The following AP2B1 variants were observed in gnomAD, a reference collection of about 807,000 sequenced individuals.
AP2B1 encodes the protein adaptor related protein complex 2 subunit beta 1.
In AP2B1, 23 loss-of-function variants were observed where a neutral mutation model predicts 102.0. The observed-to-expected ratio is 0.23, with a 90% CI of 0.16 to 0.32. AP2B1 has a LOEUF of 0.32. AP2B1 is among the 10% of genes least tolerant of loss of function. AP2B1 has a pLI of 1.00. For synonymous variants in AP2B1, 381 were observed against 421.2 expected, an observed-to-expected ratio of 0.90 and a Z score of 1.17; for missense variants, 541 against 1,157.4, an observed-to-expected ratio of 0.47 and a Z score of 7.73.
chr17:35,691,757 G>A (rs1377108286), intron 18 of AP2B1, among the ~76,000 whole-genome samples: 1 of 152,186 alleles, frequency 6.6e-6, no homozygotes, highest in Non-Finnish European at 1.5e-5. Context: ...TAAGCAGTAT[G>A]TAGGTACTGG....
chr17:35,614,655 T>TAAAAAAAAA (rs3031833), intron 5 of AP2B1, among the ~76,000 whole-genome samples: 1 of 93,156 alleles, frequency 1.1e-5, no homozygotes, highest in Admixed American at 1.3e-4. Flanking sequence ...GTTGAATTAG[T>TAAAAAAAAA]AAAAAAAAAA....
intron 16 of AP2B1, 119 bp downstream of exon 16, chr17:35,672,019 A>T: frequency 9.1e-7 from 1 of 1,102,498 alleles, no homozygotes; most frequent in Non-Finnish European, 1.3e-6. Context: ...CTTGTTCTGG[A>T]GGACTTAGAG....
intron 10 of AP2B1, among the ~76,000 whole-genome samples, chr17:35,637,766 A>G (rs959836277): frequency 1.3e-5 from 2 of 149,330 alleles, no homozygotes; most frequent in Non-Finnish European, 3.0e-5. Flanking sequence ...GCTCACTGCA[A>G]CCTCTGCCTC....
At chr17:35,671,639 A>C in intron 15 of AP2B1, 115 bp from the exon 16 acceptor site, 2 of 1,033,664 alleles carry the variant, frequency 1.9e-6, no homozygotes, top group Non-Finnish European at 2.9e-6. Flanking sequence ...AGAATATTGT[A>C]ATTATGGTGT....
intron 2 of AP2B1, among the ~76,000 whole-genome samples, chr17:35,597,622 G>A (rs2073336374): frequency 6.6e-6 from 1 of 152,166 alleles, no homozygotes; most frequent in South Asian, 2.1e-4. Context: ...AGCTCTTAAA[G>A]GTATAAATAT....
At chr17:35,615,573 G>A (rs1156279382) in intron 5 of AP2B1, among the ~76,000 whole-genome samples, 1 of 152,126 alleles carries the variant, frequency 6.6e-6, no homozygotes, top group Non-Finnish European at 1.5e-5. Flanking sequence ...CCTATTAAAG[G>A]TAGGCCCAGA....
In AP2B1 at chr17:35,619,764, G is replaced by T. The variant is rs138264370; in HGVS notation, c.526-4633G>T. 4.5e-3 allele frequency among the ~76,000 whole-genome samples: 683 copies of T among 152,160 alleles called. 2 individuals are homozygous for T. The highest frequency in any genetic ancestry group is 6.8e-3 in the Middle Eastern group (2 of 294). On this transcript the variant is annotated intron_variant, in intron 5 of 21. Coordinates refer to ENST00000610402, the MANE Select transcript of AP2B1 (RefSeq NM_001030006.2). ...ATAATTGGGAGGCAAGATGAATAAAGGATTTTTTTTAGTTTTTTATTTTAC... is the reference window on the plus strand; with the variant it reads ...ATAATTGGGAGGCAAGATGAATAAATGATTTTTTTTAGTTTTTTATTTTAC...
rs757870596 is a variant in AP2B1, at chr17:35,650,610, A to G, written c.1617A>G (p.Glu539=). ...LLSTDPVTAK[E]VVLSEKPLIS... ...CAACTGACCCTGTTACAGCTAAAGA[A>G]GTAGTCTTGTCTGAGAAGCCACTGA... The change falls in exon 13 of 22, where the codon GAA becomes GAG. Residue 539 remains glutamate (E), a synonymous_variant. Coordinates refer to ENST00000610402, the MANE Select transcript of AP2B1 (RefSeq NM_001030006.2). 4 of 1,614,186 alleles carry G rather than the reference A, an allele frequency of 2.5e-6. No individual in the cohort carries two copies. The highest frequency in any genetic ancestry group is 1.7e-5 in the Admixed American group (1 of 60,026).
intron 19 of AP2B1, among the ~76,000 whole-genome samples, chr17:35,709,624 C>G (rs2076408706): frequency 1.3e-5 from 2 of 152,136 alleles, no homozygotes. Context: ...TGTGACTGGT[C>G]AAGGTGATAA....
intron 5 of AP2B1, among the ~76,000 whole-genome samples, chr17:35,611,483 G>A (rs773653876): frequency 7.2e-5 from 11 of 151,982 alleles, no homozygotes; most frequent in African/African-American, 1.7e-4. Flanking sequence ...GTGTGTGTGC[G>A]CGCGCGCACG....
chr17:35,614,579 C>G (rs1229046523), intron 5 of AP2B1, among the ~76,000 whole-genome samples: 2 of 148,702 alleles, frequency 1.3e-5, no homozygotes, highest in African/African-American at 5.0e-5. Context: ...CTGTCTATCA[C>G]TCTCACAGCT....
chr17:35,677,864 T>G (rs374396546), intron 17 of AP2B1, among the ~76,000 whole-genome samples: 12 of 151,524 alleles, frequency 7.9e-5, no homozygotes, highest in African/African-American at 2.4e-4. Flanking sequence ...TAAATAGTTT[T>G]TTTTTTTTTT....
chr17:35,671,720 A>G (rs2075591146), intron 15 of AP2B1, 34 bp from the exon 16 acceptor site: 3 of 1,606,392 alleles, frequency 1.9e-6, no homozygotes, highest in Admixed American at 1.7e-5. Flanking sequence ...TGTTCTTCCC[A>G]ATCTCCCCTC....
At chr17:35,596,991 C>A in intron 2 of AP2B1, 1 of 655,564 alleles carries the variant, frequency 1.5e-6, no homozygotes, top group Non-Finnish European at 2.9e-6. Flanking sequence ...CGGAGAGGAG[C>A]CTGGCGCCTG....
intron 2 of AP2B1, among the ~76,000 whole-genome samples, chr17:35,596,167 C>T (rs2073265138): frequency 6.6e-6 from 1 of 152,136 alleles, no homozygotes; most frequent in African/African-American, 2.4e-5. Flanking sequence ...CTGTTACATC[C>T]TGCTTTGATT....
chr17:35,694,533 T>C (rs1472427885), intron 18 of AP2B1, among the ~76,000 whole-genome samples: 2 of 151,728 alleles, frequency 1.3e-5, no homozygotes, highest in Middle Eastern at 6.3e-3. Context: ...AGTGCTGGGA[T>C]TACAGGCATG....
At chr17:35,718,612 C>T (rs1360345133) in intron 21 of AP2B1, among the ~76,000 whole-genome samples, 1 of 151,994 alleles carries the variant, frequency 6.6e-6, no homozygotes, top group Non-Finnish European at 1.5e-5. Context: ...ACTGGAGAGG[C>T]TGAGGCAGGA....
At chr17:35,614,479 C>T (rs565284107) in intron 5 of AP2B1, among the ~76,000 whole-genome samples, 5 of 152,068 alleles carry the variant, frequency 3.3e-5, no homozygotes, top group Non-Finnish European at 4.4e-5. Flanking sequence ...CGTGAGCCAC[C>T]ATGCCTGGCC....
At chr17:35,594,477 A>T (rs1567762177) in intron 2 of AP2B1, among the ~76,000 whole-genome samples, 1 of 152,232 alleles carries the variant, frequency 6.6e-6, no homozygotes, top group African/African-American at 2.4e-5. Flanking sequence ...TAAAAATGAA[A>T]GTTCTCCCTT....
Sources: gnomAD v4.1 joint callset for allele counts (sites outside exome capture counted in the v4.1 genomes callset) on GRCh38, gnomAD v4.1.1 for gene constraint, MANE v1.5 for transcripts, NCBI Gene and HGNC (gene_info 2026-07-23, HGNC 2026-07-21) for gene names.